RASAL2: variants seen among roughly 807,000 people sequenced by gnomAD.
RASAL2 encodes the protein ras GTPase-activating protein nGAP.
Under a neutral mutation model 128.9 loss-of-function variants are expected in RASAL2, and 58 were observed. The ratio of observed to expected loss-of-function variants is 0.45; its 90% CI spans 0.36 to 0.56. The LOEUF (loss-of-function observed/expected upper bound fraction) is 0.56, where lower values mean the gene tolerates loss of function less well. RASAL2 is among the 20% of genes least tolerant of loss of function. The probability of loss-of-function intolerance (pLI) is 0.00; values close to 1 mark genes in which losing one functional copy is unlikely to be tolerated. For synonymous variants in RASAL2, 561 were observed against 580.8 expected, an observed-to-expected ratio of 0.97 and a Z score of 0.49; for missense variants, 1,360 against 1,601.6, an observed-to-expected ratio of 0.85 and a Z score of 2.57.
At chr1:178,182,184 C>A (rs1038714499) in intron 1 of RASAL2, among the ~76,000 whole-genome samples, 2 of 152,142 alleles carry the variant, frequency 1.3e-5, no homozygotes, top group African/African-American at 4.8e-5. Flanking sequence ...TCCAATAGTT[C>A]TTTATATATT....
intron 3 of RASAL2, among the ~76,000 whole-genome samples, chr1:178,373,906 A>G (rs2102531283): frequency 6.6e-6 from 1 of 152,226 alleles, no homozygotes; most frequent in African/African-American, 2.4e-5. Flanking sequence ...ATAAATTATG[A>G]TGTTGACTTC....
At chr1:178,420,647 A>G in intron 5 of RASAL2, 27 bp downstream of exon 5, 1 of 1,520,528 alleles carries the variant, frequency 6.6e-7, no homozygotes, top group Non-Finnish European at 9.0e-7. Flanking sequence ...CTTAAAACAA[A>G]AAAAGCAGTT....
At chr1:178,409,020 G>A (rs1413866421) in intron 4 of RASAL2, among the ~76,000 whole-genome samples, 1 of 152,166 alleles carries the variant, frequency 6.6e-6, no homozygotes, top group African/African-American at 2.4e-5. Context: ...AGCATGACTA[G>A]GAGGCCTCAG....
intron 1 of RASAL2, among the ~76,000 whole-genome samples, chr1:178,148,172 A>G (rs1465793915): frequency 6.6e-6 from 1 of 151,552 alleles, no homozygotes; most frequent in African/African-American, 2.4e-5. Flanking sequence ...TCCAGTGTTC[A>G]TTTATTTTCT....
At chr1:178,319,030 T>C (rs1044321224) in intron 3 of RASAL2, among the ~76,000 whole-genome samples, 21 of 152,196 alleles carry the variant, frequency 1.4e-4, no homozygotes, top group African/African-American at 5.1e-4. Context: ...CTGTAAAGTA[T>C]TTTGTTTCTC....
At chr1:178,410,766 A>T (rs754569173) in intron 4 of RASAL2, among the ~76,000 whole-genome samples, 4 of 152,234 alleles carry the variant, frequency 2.6e-5, no homozygotes, top group Admixed American at 2.6e-4. Flanking sequence ...AAACGTCAAA[A>T]AAATGCTCAG....
At chr1:178,231,534 A>C (rs1664007692) in intron 1 of RASAL2, among the ~76,000 whole-genome samples, 1 of 152,112 alleles carries the variant, frequency 6.6e-6, no homozygotes, top group South Asian at 2.1e-4. Context: ...AAGTTGTTAA[A>C]TTTATGAAAT....
chr1:178,443,270 C>T (rs1306677184), intron 8 of RASAL2, 41 bp downstream of exon 8: 1 of 1,493,036 alleles, frequency 6.7e-7, no homozygotes, highest in African/African-American at 1.4e-5. Flanking sequence ...AAGTCTCTTC[C>T]CTACCTTTCA....
At chr1:178,354,272 G>A (rs1382597527) in intron 3 of RASAL2, among the ~76,000 whole-genome samples, 1 of 152,136 alleles carries the variant, frequency 6.6e-6, no homozygotes, top group Non-Finnish European at 1.5e-5. Flanking sequence ...CATCTCGATT[G>A]AGCAAAAATG....
chr1:178,331,061 T>C (rs1669280117), intron 3 of RASAL2, among the ~76,000 whole-genome samples: 1 of 152,220 alleles, frequency 6.6e-6, no homozygotes, highest in South Asian at 2.1e-4. Context: ...ACACCATAAG[T>C]AGTAAATGGC....
chr1:178,174,166 T>A (rs971805499), intron 1 of RASAL2, among the ~76,000 whole-genome samples: 3 of 151,892 alleles, frequency 2.0e-5, no homozygotes, highest in African/African-American at 7.3e-5. Context: ...TAGCATATAA[T>A]TTTTTTTCTG....
chr1:178,253,623 A>G (rs1354809679), intron 1 of RASAL2, among the ~76,000 whole-genome samples: 1 of 151,940 alleles, frequency 6.6e-6, no homozygotes, highest in Non-Finnish European at 1.5e-5. Flanking sequence ...GTTTTATAAG[A>G]TTTGGGTAGG....
intron 2 of RASAL2, among the ~76,000 whole-genome samples, chr1:178,290,749 C>A (rs931517785): frequency 6.6e-6 from 1 of 151,970 alleles, no homozygotes; most frequent in Non-Finnish European, 1.5e-5. Context: ...GATCTCGGCT[C>A]GCTGCAAGCT....
chr1:178,308,417 GA>G (rs1668093188), intron 3 of RASAL2, among the ~76,000 whole-genome samples: 1 of 151,612 alleles, frequency 6.6e-6, no homozygotes, highest in South Asian at 2.1e-4. Context: ...AAAAACTTGA[GA>G]AAACTTTGAA....
chr1:178,162,488 A>T (rs1159400389), intron 1 of RASAL2, among the ~76,000 whole-genome samples: 2 of 123,592 alleles, frequency 1.6e-5, no homozygotes, highest in Non-Finnish European at 3.2e-5. Context: ...ATTTTATATA[A>T]TATATATATT....
intron 1 of RASAL2, among the ~76,000 whole-genome samples, chr1:178,161,838 CTGAG>C (rs1329104649): frequency 6.6e-6 from 1 of 151,918 alleles, no homozygotes; most frequent in Admixed American, 6.6e-5. Context: ...ACTAATAGTG[CTGAG>C]TATCTTTTCA....
chr1:178,312,084 G>A (rs1393260970), intron 3 of RASAL2, among the ~76,000 whole-genome samples: 3 of 151,756 alleles, frequency 2.0e-5, no homozygotes, highest in Non-Finnish European at 1.5e-5. Flanking sequence ...AATAATGAGA[G>A]GACCAGTCTA....
At chr1:178,256,487 TA>T (rs1665350125) in intron 1 of RASAL2, among the ~76,000 whole-genome samples, 1 of 152,230 alleles carries the variant, frequency 6.6e-6, no homozygotes, top group Non-Finnish European at 1.5e-5. Context: ...TTGGAAATTC[TA>T]ACCAGGGCAA....
chr1:178,371,337 CACACACACACACACAAAT>C lies in RASAL2; in HGVS notation c.458-18747_458-18730del, dbSNP rs1345944033. Among the ~76,000 whole-genome samples the C allele has an allele frequency of 4.3e-5, 6 of 141,080 alleles. No individual in the cohort carries two copies. The South Asian group carries it at 9.0e-4, about 21-fold the overall frequency. The allele number at this position is 141,080 out of a possible 152,430, so 92.6% of individuals were successfully genotyped here. ...GCCTTCTTTCCCACACACACACACACACACACACACACACAAATACACACACACACACACACACACTTC... is the reference window on the plus strand; with the variant it reads ...GCCTTCTTTCCCACACACACACACACACACACACACACACACACACACTTC... On this transcript the variant is annotated intron_variant, in intron 3 of 17. Transcript: ENST00000367649.
Sources: gnomAD v4.1 joint callset for allele counts (sites outside exome capture counted in the v4.1 genomes callset) on GRCh38, gnomAD v4.1.1 for gene constraint, MANE v1.5 for transcripts, NCBI Gene and HGNC (gene_info 2026-07-23, HGNC 2026-07-21) for gene names.